VWA8: variants seen among roughly 807,000 people sequenced by gnomAD.
VWA8 encodes von Willebrand factor A domain containing 8, also known as von Willebrand factor A domain-containing protein 8.
Under a neutral mutation model 241.5 loss-of-function variants are expected in VWA8, and 221 were observed. The observed-to-expected ratio is 0.91, with a 90% CI of 0.82 to 1.02. The LOEUF (loss-of-function observed/expected upper bound fraction) is 1.02. VWA8 is among the 50% of genes least tolerant of loss of function. The pLI, the probability that VWA8 is intolerant of heterozygous loss-of-function variation, is 0.00. For missense variants in VWA8, 2,322 were observed against 2,328.7 expected (o/e 1.00, Z 0.06); for synonymous variants, 852 against 827.1 (o/e 1.03, Z -0.52).
chr13:41,800,981 T>G (rs554446418), intron 17 of VWA8, among the ~76,000 whole-genome samples: 1 of 152,144 alleles, frequency 6.6e-6, no homozygotes, highest in South Asian at 2.1e-4. Context: ...TTATTAAAAA[T>G]GTTCTCATGT....
chr13:41,630,339 C>T (rs1239460824), intron 37 of VWA8, among the ~76,000 whole-genome samples: 2 of 152,088 alleles, frequency 1.3e-5, no homozygotes, highest in African/African-American at 4.8e-5. Flanking sequence ...ACCAACCCAA[C>T]TCAGTCTCAC....
At chr13:41,700,632 T>G (rs1309946889) in intron 28 of VWA8, among the ~76,000 whole-genome samples, 1 of 152,246 alleles carries the variant, frequency 6.6e-6, no homozygotes, top group Non-Finnish European at 1.5e-5. Flanking sequence ...AGTTCAGTCT[T>G]TGTCTTAAAC....
chr13:41,802,006 G>A (rs1355426924), intron 17 of VWA8, among the ~76,000 whole-genome samples: 1 of 152,080 alleles, frequency 6.6e-6, no homozygotes, highest in African/African-American at 2.4e-5. Flanking sequence ...CCCCTCCACA[G>A]GAACACCAAA....
intron 36 of VWA8, among the ~76,000 whole-genome samples, chr13:41,673,362 T>G (rs1331114475): frequency 6.6e-6 from 1 of 152,230 alleles, no homozygotes; most frequent in Non-Finnish European, 1.5e-5. Flanking sequence ...ATGCTAAATC[T>G]AAGCTACTAG....
intron 17 of VWA8, among the ~76,000 whole-genome samples, chr13:41,792,051 T>C (rs772312078): frequency 1.3e-5 from 2 of 151,910 alleles, no homozygotes; most frequent in African/African-American, 2.4e-5. Context: ...TATAAAATGA[T>C]AGCTGATTAT....
At chr13:41,619,843 T>C (rs1335397041) in intron 37 of VWA8, among the ~76,000 whole-genome samples, 1 of 152,214 alleles carries the variant, frequency 6.6e-6, no homozygotes, top group African/African-American at 2.4e-5. Flanking sequence ...GTGGATAAGC[T>C]TTTTGACATG....
chr13:41,888,859 A>G (rs1874676821), intron 5 of VWA8, among the ~76,000 whole-genome samples: 1 of 152,210 alleles, frequency 6.6e-6, no homozygotes, highest in Non-Finnish European at 1.5e-5. Context: ...ATGAATCAAA[A>G]TCAGAAATCA....
intron 15 of VWA8, among the ~76,000 whole-genome samples, chr13:41,818,141 T>C (rs1870779223): frequency 2.0e-5 from 3 of 151,860 alleles, no homozygotes. Context: ...TTTTTGTATT[T>C]TAATAGAGAC....
chr13:41,862,798 G>C (rs1157883689), intron 12 of VWA8, among the ~76,000 whole-genome samples: 2 of 152,198 alleles, frequency 1.3e-5, no homozygotes, highest in Admixed American at 1.3e-4. Flanking sequence ...AGGTTGTGGA[G>C]AAAAGGGAAC....
chr13:41,618,779 G>A (rs1181730344), intron 37 of VWA8, among the ~76,000 whole-genome samples: 1 of 152,150 alleles, frequency 6.6e-6, no homozygotes, highest in African/African-American at 2.4e-5. Context: ...AGATCAGATG[G>A]TTGTAGATGT....
intron 35 of VWA8, among the ~76,000 whole-genome samples, chr13:41,678,391 A>G (rs540231582): frequency 6.6e-6 from 1 of 152,382 alleles, no homozygotes; most frequent in South Asian, 2.1e-4. Context: ...TGCCTGTGAT[A>G]TAAGGTCAAT....
intron 9 of VWA8, among the ~76,000 whole-genome samples, chr13:41,873,787 C>T (rs1234965188): frequency 6.6e-6 from 1 of 152,160 alleles, no homozygotes; most frequent in Non-Finnish European, 1.5e-5. Context: ...CCTTCTGAAA[C>T]TATTCCAATC....
At chr13:41,896,419 A>G (rs1875111866) in intron 4 of VWA8, among the ~76,000 whole-genome samples, 1 of 152,048 alleles carries the variant, frequency 6.6e-6, no homozygotes, top group Non-Finnish European at 1.5e-5. Flanking sequence ...ATAATCTTGA[A>G]TTGGGAAAAA....
chr13:41,798,186 T>G (rs1215719950), intron 17 of VWA8, among the ~76,000 whole-genome samples: 1 of 152,244 alleles, frequency 6.6e-6, no homozygotes, highest in Non-Finnish European at 1.5e-5. Flanking sequence ...TTCACCCTGT[T>G]GTTAAATACT....
intron 37 of VWA8, among the ~76,000 whole-genome samples, chr13:41,621,428 G>A (rs753322630): frequency 3.9e-5 from 6 of 152,162 alleles, no homozygotes; most frequent in African/African-American, 1.2e-4. Flanking sequence ...GCTTATATGC[G>A]TTAAGACTCT....
chr13:41,827,929 G>A (rs933393802), intron 14 of VWA8, among the ~76,000 whole-genome samples: 3 of 152,170 alleles, frequency 2.0e-5, no homozygotes, highest in Non-Finnish European at 4.4e-5. Flanking sequence ...TGCCAGGCAG[G>A]CATGCTGTGA....
At chr13:41,816,799 C>A (rs1450154717) in intron 15 of VWA8, 24 bp from the exon 16 acceptor site, 3 of 1,551,840 alleles carry the variant, frequency 1.9e-6, no homozygotes, top group African/African-American at 2.7e-5. Flanking sequence ...GAGTTGAGGA[C>A]AAACAGAAGG....
intron 2 of VWA8, among the ~76,000 whole-genome samples, chr13:41,924,225 A>G (rs1218259530): frequency 6.6e-6 from 1 of 152,148 alleles, no homozygotes; most frequent in Non-Finnish European, 1.5e-5. Flanking sequence ...AAAAGAACCA[A>G]ATAGAAATCT....
intron 44 of VWA8, 192 bp from the exon 45 acceptor site, chr13:41,568,497 GAC>G (rs1191799537): frequency 4.2e-6 from 2 of 477,600 alleles, no homozygotes; most frequent in East Asian, 6.5e-5. Flanking sequence ...AACAAGGAAA[GAC>G]ACAGCAAAAG....
Sources: allele counts gnomAD v4.1 joint callset (sites outside exome capture counted in the v4.1 genomes callset), GRCh38; gene constraint gnomAD v4.1.1; transcripts MANE v1.5; gene names NCBI Gene and HGNC (gene_info 2026-07-23, HGNC 2026-07-21).